Variants in DLG2 observed in about 807,000 individuals in gnomAD.
The protein encoded by DLG2 is discs large MAGUK scaffold protein 2.
Under a neutral mutation model 132.5 loss-of-function variants are expected in DLG2, and 45 were observed. The ratio of observed to expected loss-of-function variants is 0.34; its 90% CI spans 0.27 to 0.44. The LOEUF (loss-of-function observed/expected upper bound fraction) is 0.44, where lower values mean the gene tolerates loss of function less well. Ranked by LOEUF, DLG2 falls within the 20% of genes least tolerant of loss-of-function variation. DLG2 has a pLI of 1.00. For synonymous variants in DLG2, 424 were observed against 419.6 expected, an observed-to-expected ratio of 1.01 and a Z score of -0.13; for missense variants, 1,045 against 1,196.9, an observed-to-expected ratio of 0.87 and a Z score of 1.87.
intron 6 of DLG2, among the ~76,000 whole-genome samples, chr11:85,048,815 A>G (rs2062608443): frequency 6.6e-6 from 1 of 152,072 alleles, no homozygotes; most frequent in African/African-American, 2.4e-5. Context: ...AATTACTTGC[A>G]TACTTAAATT....
intron 3 of DLG2, among the ~76,000 whole-genome samples, chr11:85,495,654 G>C (rs1338068799): frequency 1.4e-4 from 21 of 152,154 alleles, no homozygotes; most frequent in South Asian, 2.1e-4. Flanking sequence ...AGGATGTGAA[G>C]AAATAGGAAT....
chr11:84,837,218 T>C (rs903378636), intron 6 of DLG2, among the ~76,000 whole-genome samples: 8 of 151,834 alleles, frequency 5.3e-5, no homozygotes, highest in Admixed American at 2.0e-4. Flanking sequence ...TAGGAAGAAA[T>C]GGTCTAAAAT....
At chr11:84,325,812 A>G (rs1048542254) in intron 7 of DLG2, among the ~76,000 whole-genome samples, 3 of 152,166 alleles carry the variant, frequency 2.0e-5, no homozygotes, top group Non-Finnish European at 4.4e-5. Context: ...GAAGAGTTTG[A>G]GAAAGATTGC....
chr11:84,838,619 A>G (rs1409095408), intron 6 of DLG2, among the ~76,000 whole-genome samples: 1 of 151,942 alleles, frequency 6.6e-6, no homozygotes, highest in Non-Finnish European at 1.5e-5. Flanking sequence ...ACAACTGCAC[A>G]AGGAAATGTA....
intron 6 of DLG2, among the ~76,000 whole-genome samples, chr11:84,567,260 G>T (rs1004224944): frequency 2.0e-5 from 3 of 152,158 alleles, no homozygotes; most frequent in African/African-American, 7.2e-5. Flanking sequence ...AATGCCTAAA[G>T]GGTGACAAAG....
intron 18 of DLG2, among the ~76,000 whole-genome samples, chr11:83,696,414 A>T (rs948460853): frequency 6.6e-6 from 1 of 152,108 alleles, no homozygotes; most frequent in Non-Finnish European, 1.5e-5. Context: ...TGCACTTTAT[A>T]TATGTACTTG....
intron 17 of DLG2, among the ~76,000 whole-genome samples, chr11:83,803,555 T>C (rs1368159299): frequency 1.3e-5 from 2 of 152,170 alleles, no homozygotes; most frequent in Non-Finnish European, 2.9e-5. Context: ...GGCTAAGTTC[T>C]GGGTCAAAGT....
intron 20 of DLG2, among the ~76,000 whole-genome samples, chr11:83,534,307 G>T (rs1022890088): frequency 2.6e-5 from 4 of 152,064 alleles, no homozygotes; most frequent in African/African-American, 7.2e-5. Flanking sequence ...TAATTGTCCA[G>T]CAAAAATAAT....
chr11:85,527,954 T>C (rs920616053), intron 3 of DLG2, among the ~76,000 whole-genome samples: 11 of 152,242 alleles, frequency 7.2e-5, no homozygotes, highest in Non-Finnish European at 1.2e-4. Flanking sequence ...CCAGTGATGA[T>C]GAGCTTTTTT....
chr11:83,651,636 G>A (rs902615043), intron 18 of DLG2: 1 of 269,334 alleles, frequency 3.7e-6, no homozygotes, highest in African/African-American at 2.2e-5. Flanking sequence ...GAAGAAAGAA[G>A]AGGAGTTGGA....
chr11:84,493,877 T>A (rs1292263002), intron 7 of DLG2, among the ~76,000 whole-genome samples: 3 of 152,192 alleles, frequency 2.0e-5, no homozygotes, highest in African/African-American at 7.2e-5. Flanking sequence ...GAACATGCCA[T>A]CTGAAAGGTT....
chr11:84,572,729 G>A (rs1201302449), intron 6 of DLG2, among the ~76,000 whole-genome samples: 1 of 152,036 alleles, frequency 6.6e-6, no homozygotes, highest in Non-Finnish European at 1.5e-5. Flanking sequence ...AAGCAACCTT[G>A]AGGAATGAGG....
intron 7 of DLG2, among the ~76,000 whole-genome samples, chr11:84,417,479 A>G (rs2098933790): frequency 6.6e-6 from 1 of 152,100 alleles, no homozygotes; most frequent in Admixed American, 6.6e-5. Context: ...TTTAAATCAT[A>G]CATAGTCCCT....
At chr11:84,219,340 A>C (rs1024336146) in intron 8 of DLG2, among the ~76,000 whole-genome samples, 1 of 152,176 alleles carries the variant, frequency 6.6e-6, no homozygotes, top group Non-Finnish European at 1.5e-5. Flanking sequence ...TGTGAGAGGT[A>C]CTCTATTGTT....
chr11:85,576,262 A>G (rs963540242), intron 3 of DLG2, among the ~76,000 whole-genome samples: 2 of 152,208 alleles, frequency 1.3e-5, no homozygotes, highest in African/African-American at 2.4e-5. Flanking sequence ...TAAAATTTGC[A>G]TACTTTAATA....
chr11:84,244,817 C>A (rs1416416048), intron 8 of DLG2, among the ~76,000 whole-genome samples: 1 of 152,184 alleles, frequency 6.6e-6, no homozygotes, highest in Non-Finnish European at 1.5e-5. Context: ...AAATATCATA[C>A]CATTATTAAT....
rs555274870 is a variant in DLG2 at position 83,611,289 on chromosome 11, AG to A, written c.1940+21921del. Among the ~76,000 whole-genome samples, 137 of 152,200 alleles carry A rather than the reference AG, an allele frequency of 9.0e-4. 1 individual carries two copies. In the South Asian group the frequency reaches 9.1e-3, roughly 10 times the overall value. On this transcript the variant is annotated intron_variant, in intron 19 of 27. Transcript: ENST00000376104. ...ATGCATGTATATTGAGAAGGGGGGA[AG>A]GGGGAGAGAGAGAGAGACAGAGAGA... is the stretch of plus-strand genomic sequence containing the variant.
intron 3 of DLG2, among the ~76,000 whole-genome samples, chr11:85,367,759 T>C (rs1324157731): frequency 6.6e-6 from 1 of 152,190 alleles, no homozygotes; most frequent in African/African-American, 2.4e-5. Flanking sequence ...TAGCTCATTA[T>C]AGCATTCAAC....
chr11:84,072,321 C>T (rs966759714), intron 10 of DLG2, among the ~76,000 whole-genome samples: 1 of 152,196 alleles, frequency 6.6e-6, no homozygotes, highest in African/African-American at 2.4e-5. Context: ...TCTTCCTCTG[C>T]CTGAATTAGC....
Sources: gnomAD v4.1 joint callset for allele counts (sites outside exome capture counted in the v4.1 genomes callset) on GRCh38, gnomAD v4.1.1 for gene constraint, MANE v1.5 for transcripts, NCBI Gene and HGNC (gene_info 2026-07-23, HGNC 2026-07-21) for gene names.